The following OR5H1 variants were observed in gnomAD, a reference collection of about 807,000 sequenced individuals.
OR5H1 encodes olfactory receptor 5H1.
For synonymous variants in OR5H1, 124 were observed against 134.4 expected, an observed-to-expected ratio of 0.92 and a Z score of 0.54; for missense variants, 378 against 366.8, an observed-to-expected ratio of 1.03 and a Z score of -0.25.
Position 98,132,725 on chromosome 3 carries a change from A to G in OR5H1, c.28A>G (p.Thr10Ala). 4 of 1,613,028 alleles carry G rather than the reference A, an allele frequency of 2.5e-6. No individual in the cohort carries two copies. Among genetic ancestry groups the G allele is most frequent in the Non-Finnish European group, 1.7e-6 (2 of 1,179,356 alleles). ...GGAAGAGGAAAATGCAACATTGCTGACAGAGTTTGTTCTCACAGGATTTTT... is the reference window on the plus strand; with the variant it reads ...GGAAGAGGAAAATGCAACATTGCTGGCAGAGTTTGTTCTCACAGGATTTTT... Reference protein sequence around the residue: MEEENATLLTEFVLTGFLYQ... With the variant: MEEENATLLAEFVLTGFLYQ... The change falls in exon 2 of 2, where the codon ACA (threonine) becomes GCA (alanine). Residue 10 changes from threonine to alanine, a missense_variant. Thr to Ala is a moderately conservative substitution (Grantham distance 58). Coordinates refer to ENST00000641874, the MANE Select transcript of OR5H1 (RefSeq NM_001005338.2).
rs940111111 is a variant in OR5H1, at chr3:98,133,826, A to G, written c.*187A>G. The G allele has an allele frequency of 3.5e-5, 19 of 542,376 alleles. No individual in the cohort carries two copies. The highest frequency in any genetic ancestry group is 1.7e-4 in the African/African-American group (9 of 52,782). 33.6% of individuals were successfully genotyped at this position (542,376 alleles called of 1,614,324 possible). On this transcript the variant is annotated 3_prime_UTR_variant, in exon 2 of 2. Transcript: ENST00000641874. ...ATTCAAAAGCATTCAAGAAATTTTC[A>G]TACTGTTCATAATAGAATAATGACT... is the stretch of plus-strand genomic sequence containing the variant.
In OR5H1 at chr3:98,133,305, C is replaced by T; in HGVS notation, c.608C>T (p.Ser203Leu). Residue 203 changes from serine (S) to leucine (L), a missense_variant, in exon 2 of 2, where the codon TCA becomes TTA. Coordinates refer to ENST00000641874, the MANE Select transcript of OR5H1 (RefSeq NM_001005338.2). ...AATTTTCTAATGGTTTTTATTTTCT[C>T]AGGTTCAATTCAGGTATTCAGCATT... ...SINFLMVFIF[S>L]GSIQVFSIVT... 6.2e-7 allele frequency: 1 copy of T among 1,612,792 alleles called. No homozygotes were observed. The highest frequency in any genetic ancestry group is 8.5e-7 in the Non-Finnish European group (1 of 1,179,390).
intron 1 of OR5H1, among the ~76,000 whole-genome samples, chr3:98,132,441 T>C (rs929315811): frequency 6.6e-6 from 1 of 152,108 alleles, no homozygotes; most frequent in Non-Finnish European, 1.5e-5. Context: ...ATAAATGTTG[T>C]GCATACAGAG....
At chr3:98,131,501 G>T (rs1291793983) in intron 1 of OR5H1, among the ~76,000 whole-genome samples, 2 of 151,152 alleles carry the variant, frequency 1.3e-5, no homozygotes, top group Non-Finnish European at 3.0e-5. Flanking sequence ...AGTTCTTTTG[G>T]CAGTATGTTA....
rs745373835 is a variant in OR5H1 at position 98,133,537 on chromosome 3, C to A, written c.840C>A (p.Val280=). ...QDMVEPLFYT[V]IIPLLNPIIY... The stretch of plus-strand genomic sequence containing the variant: ...TGGTGGAGCCTCTATTCTACACTGT[C>A]ATCATTCCTTTGTTAAATCCTATCA... Residue 280 remains valine, a synonymous_variant, in exon 2 of 2, where the codon GTC becomes GTA. Transcript: ENST00000641874. 8 of 1,613,304 alleles carry A rather than the reference C, an allele frequency of 5.0e-6. No individual in the cohort carries two copies. In the South Asian group the frequency reaches 8.8e-5, roughly 18 times the overall value.
At chr3:98,131,993 A>T (rs1377010461) in intron 1 of OR5H1, among the ~76,000 whole-genome samples, 1 of 152,046 alleles carries the variant, frequency 6.6e-6, no homozygotes, top group African/African-American at 2.4e-5. Context: ...CCAAGACCAT[A>T]CATTTAACAT....
At chr3:98,130,874 AT>A (rs1254109104) in intron 1 of OR5H1, 24 bp downstream of exon 1, 1 of 152,098 alleles carries the variant, frequency 6.6e-6, no homozygotes, top group African/African-American at 2.4e-5. Flanking sequence ...AACTTCTCTA[AT>A]TTTTATTATA....
chr3:98,135,771 A>G lies in OR5H1; in HGVS notation c.*2132A>G, dbSNP rs1314075336. ...AACAAAACCAACTGAAATAAACCAA[A>G]TGAAAATAATAAAAGGTTAATGGTT... is the stretch of plus-strand genomic sequence containing the variant. On this transcript the variant is annotated 3_prime_UTR_variant, in exon 2 of 2. Coordinates refer to ENST00000641874, the MANE Select transcript of OR5H1 (RefSeq NM_001005338.2). 1 of 152,248 alleles carries G rather than the reference A, an allele frequency of 6.6e-6. No homozygotes were observed. Among genetic ancestry groups the G allele is most frequent in the African/African-American group, 2.4e-5 (1 of 41,468 alleles). The allele number at this position is 152,248 out of a possible 1,614,324, so 9.4% of individuals were successfully genotyped here.
chr3:98,134,732 A>G lies in OR5H1; in HGVS notation c.*1093A>G, dbSNP rs1708300369. 6.6e-6 allele frequency: 1 copy of G among 152,038 alleles called. No individual in the cohort carries two copies. Among genetic ancestry groups the G allele is most frequent in the Non-Finnish European group, 1.5e-5 (1 of 67,966 alleles). 9.4% of individuals were successfully genotyped at this position (152,038 alleles called of 1,614,324 possible). ...TCCACCCTCTCCTTCATCTTTCAATACTGAAATTCCTTTCACATTCTCACT... is the reference window on the plus strand; with the variant it reads ...TCCACCCTCTCCTTCATCTTTCAATGCTGAAATTCCTTTCACATTCTCACT... On this transcript the variant is annotated 3_prime_UTR_variant, in exon 2 of 2. Coordinates refer to ENST00000641874, the MANE Select transcript of OR5H1 (RefSeq NM_001005338.2).
chr3:98,136,906 CCAAA>C lies in OR5H1; in HGVS notation c.*3274_*3277del, dbSNP rs1402724532. On this transcript the variant is annotated 3_prime_UTR_variant, in exon 2 of 2. Transcript: ENST00000641874. ...TCTGTATAGCCTGCAGAATTGTTCT[CCAAA>C]CAAACACCTTTTACTTATAAATTAC... The C allele has an allele frequency of 1.1e-4, 17 of 152,276 alleles. No individual in the cohort carries two copies. The highest frequency in any genetic ancestry group is 3.6e-4 in the African/African-American group (15 of 41,562). 9.4% of individuals were successfully genotyped at this position (152,276 alleles called of 1,614,324 possible).
At position 98,133,906 on chromosome 3, in the gene OR5H1, A is replaced by G. The variant is rs966501656; in HGVS notation, c.*267A>G. 1 of 320,858 alleles carries G rather than the reference A, an allele frequency of 3.1e-6. No homozygotes were observed. Among genetic ancestry groups the G allele is most frequent in the East Asian group, 6.6e-5 (1 of 15,112 alleles). The allele number at this position is 320,858 out of a possible 1,614,324, so 19.9% of individuals were successfully genotyped here. A position where few individuals can be genotyped will look rare whatever the true frequency, so the allele number is the denominator to read the frequency against. ...TGTATATGTTATTCAATGTGCATTTATAAATGCATTAATTGCTAAAATAGC... is the reference window on the plus strand; with the variant it reads ...TGTATATGTTATTCAATGTGCATTTGTAAATGCATTAATTGCTAAAATAGC... On this transcript the variant is annotated 3_prime_UTR_variant, in exon 2 of 2. Coordinates refer to ENST00000641874, the MANE Select transcript of OR5H1 (RefSeq NM_001005338.2).
chr3:98,138,086 T>C lies in OR5H1; in HGVS notation c.*4447T>C, dbSNP rs903659658. On this transcript the variant is annotated 3_prime_UTR_variant, in exon 2 of 2. Transcript: ENST00000641874. ...GGCTTTAATCAGATGGGAGCATCGA[T>C]AGGCTAGCGTCTTAAAATCCGAGCT... 2.6e-5 allele frequency: 4 copies of C among 151,686 alleles called. No homozygotes were observed. Among genetic ancestry groups the C allele is most frequent in the African/African-American group, 9.7e-5 (4 of 41,256 alleles). 9.4% of individuals were successfully genotyped at this position (151,686 alleles called of 1,614,324 possible). A position where few individuals can be genotyped will look rare whatever the true frequency, so the allele number is the denominator to read the frequency against.
rs1332852690 is a variant in OR5H1, at chr3:98,137,811, T to G, written c.*4172T>G. The G allele has an allele frequency of 5.3e-5, 8 of 152,250 alleles. No homozygotes were observed. Among genetic ancestry groups the G allele is most frequent in the Non-Finnish European group, 8.8e-5 (6 of 68,044 alleles). The allele number at this position is 152,250 out of a possible 1,614,324, so 9.4% of individuals were successfully genotyped here. A position where few individuals can be genotyped will look rare whatever the true frequency, so the allele number is the denominator to read the frequency against. The stretch of plus-strand genomic sequence containing the variant: ...CCACAGAGAAGTGGGAAGGTATTTT[T>G]AAGTAGACTTCTTATTAAACATAAT... On this transcript the variant is annotated 3_prime_UTR_variant, in exon 2 of 2. Coordinates refer to ENST00000641874, the MANE Select transcript of OR5H1 (RefSeq NM_001005338.2).
Position 98,136,273 on chromosome 3 carries a change from G to T in OR5H1, c.*2634G>T, listed in dbSNP as rs2107309787. 1 of 152,184 alleles carries T rather than the reference G, an allele frequency of 6.6e-6. No homozygotes were observed. The highest frequency in any genetic ancestry group is 1.5e-5 in the Non-Finnish European group (1 of 68,016). The allele number at this position is 152,184 out of a possible 1,614,324, so 9.4% of individuals were successfully genotyped here. On this transcript the variant is annotated 3_prime_UTR_variant, in exon 2 of 2. Coordinates refer to ENST00000641874, the MANE Select transcript of OR5H1 (RefSeq NM_001005338.2). The stretch of plus-strand genomic sequence containing the variant: ...TGAGTATTTACATAAGTGCAAGTTG[G>T]AATAGGAATTGATCATCTCTTTTTA...
In OR5H1 at chr3:98,136,693, T is replaced by A. The variant is rs1235245681; in HGVS notation, c.*3054T>A. On this transcript the variant is annotated 3_prime_UTR_variant, in exon 2 of 2. Coordinates refer to ENST00000641874, the MANE Select transcript of OR5H1 (RefSeq NM_001005338.2). ...GAATGCCTTGGTGCCATCATCATAG[T>A]AATAAGCATGTTCTTACTGTCTTAG... The A allele has an allele frequency of 1.3e-5, 2 of 152,140 alleles. No individual in the cohort carries two copies. Among genetic ancestry groups the A allele is most frequent in the African/African-American group, 4.8e-5 (2 of 41,406 alleles). 9.4% of individuals were successfully genotyped at this position (152,140 alleles called of 1,614,324 possible).
chr3:98,131,995 A>G (rs565330841), intron 1 of OR5H1, among the ~76,000 whole-genome samples: 12 of 152,158 alleles, frequency 7.9e-5, no homozygotes, highest in South Asian at 6.2e-4. Context: ...AAGACCATAC[A>G]TTTAACATGC....
rs1251503698 is a variant in OR5H1 at position 98,136,434 on chromosome 3, T to C, written c.*2795T>C. ...TACATTTAGGTAAACTCCCCTGTAC[T>C]CAAAAAGGTCCTAAAAGTATATTTC... On this transcript the variant is annotated 3_prime_UTR_variant, in exon 2 of 2. Transcript: ENST00000641874. The C allele has an allele frequency of 6.6e-6, 1 of 152,130 alleles. No individual in the cohort carries two copies. The highest frequency in any genetic ancestry group is 1.5e-5 in the Non-Finnish European group (1 of 68,016). The allele number at this position is 152,130 out of a possible 1,614,324, so 9.4% of individuals were successfully genotyped here. A position where few individuals can be genotyped will look rare whatever the true frequency, so the allele number is the denominator to read the frequency against.
chr3:98,136,305 C>G lies in OR5H1; in HGVS notation c.*2666C>G, dbSNP rs951250295. On this transcript the variant is annotated 3_prime_UTR_variant, in exon 2 of 2. Coordinates refer to ENST00000641874, the MANE Select transcript of OR5H1 (RefSeq NM_001005338.2). ...AATTGATCATCTCTTTTTAAGAAGG[C>G]CTCATTACGACCTTTACTAAATAAT... The G allele has an allele frequency of 6.6e-6, 1 of 152,120 alleles. No homozygotes were observed. Among genetic ancestry groups the G allele is most frequent in the South Asian group, 2.1e-4 (1 of 4,824 alleles). 9.4% of individuals were successfully genotyped at this position (152,120 alleles called of 1,614,324 possible).
rs1708287691 is a variant in OR5H1, at chr3:98,133,837, A to G, written c.*198A>G. 1.4e-5 allele frequency: 7 copies of G among 506,578 alleles called. No individual in the cohort carries two copies. Among genetic ancestry groups the G allele is most frequent in the South Asian group, 5.1e-5 (2 of 39,046 alleles). The allele number at this position is 506,578 out of a possible 1,614,324, so 31.4% of individuals were successfully genotyped here. A position where few individuals can be genotyped will look rare whatever the true frequency, so the allele number is the denominator to read the frequency against. ...TTCAAGAAATTTTCATACTGTTCAT[A>G]ATAGAATAATGACTGTAGAAATCAA... On this transcript the variant is annotated 3_prime_UTR_variant, in exon 2 of 2. Transcript: ENST00000641874.
Sources: allele counts gnomAD v4.1 joint callset (sites outside exome capture counted in the v4.1 genomes callset), GRCh38; gene constraint gnomAD v4.1.1; transcripts MANE v1.5; gene names NCBI Gene and HGNC (gene_info 2026-07-23, HGNC 2026-07-21).